The following ZMYM2 variants were observed in gnomAD, a reference collection of about 807,000 sequenced individuals.
The protein encoded by ZMYM2 is zinc finger MYM-type containing 2.
In ZMYM2, 56 loss-of-function variants were observed where a neutral mutation model predicts 162.8. The ratio of observed to expected loss-of-function variants is 0.34; its 90% confidence interval spans 0.28 to 0.43. The LOEUF is 0.43. ZMYM2 is among the 20% of genes least tolerant of loss of function. The pLI is 1.00. For synonymous variants in ZMYM2, 510 were observed against 541.6 expected, an observed-to-expected ratio of 0.94 and a Z score of 0.81; for missense variants, 1,275 against 1,621.8, an observed-to-expected ratio of 0.79 and a Z score of 3.67.
intron 19 of ZMYM2, among the ~76,000 whole-genome samples, chr13:20,065,566 G>A (rs962540105): frequency 1.3e-5 from 2 of 152,204 alleles, no homozygotes; most frequent in Non-Finnish European, 2.9e-5. Context: ...CACTCAGGAA[G>A]GCTGAGGCGG....
In ZMYM2 at chr13:20,083,656, A is replaced by G. The variant is rs776799783; in HGVS notation, c.3821A>G (p.Asp1274Gly). 1.3e-6 allele frequency: 2 copies of G among 1,510,930 alleles called. No individual in the cohort carries two copies. The highest frequency in any genetic ancestry group is 2.0e-5 in the Admixed American group (1 of 49,170). 93.6% of individuals were successfully genotyped at this position (1,510,930 alleles called of 1,614,324 possible). A position where few individuals can be genotyped will look rare whatever the true frequency, so the allele number is the denominator to read the frequency against. Residue 1274 changes from aspartate (D) to glycine (G), a missense_variant and splice_region_variant, in exon 24 of 25, where the codon GAT (aspartate) becomes GGT (glycine). Asp to Gly is a moderately conservative substitution (Grantham distance 94). Coordinates refer to ENST00000610343, the MANE Select transcript of ZMYM2 (RefSeq NM_197968.4). ...GTTTATTTCACTTTTATTTTTTAAG[A>G]TAAAATTACTACTGGAAAAAGAAAA... is the stretch of plus-strand genomic sequence containing the variant. ...VSSLCGTDNE[D>G]KITTGKRKHE...
intron 4 of ZMYM2, among the ~76,000 whole-genome samples, chr13:20,004,765 C>G (rs540638397): frequency 1.3e-5 from 2 of 152,160 alleles, no homozygotes; most frequent in Non-Finnish European, 2.9e-5. Flanking sequence ...TAATCCTTAA[C>G]ATTAATTCCA....
At chr13:19,980,145 A>G (rs2139464901) in intron 2 of ZMYM2, among the ~76,000 whole-genome samples, 1 of 152,016 alleles carries the variant, frequency 6.6e-6, no homozygotes, top group South Asian at 2.1e-4. Context: ...TTTATCTTGT[A>G]TTAACGTTTA....
At chr13:19,931,768 C>T in the ZMYM2 span, among the ~76,000 whole-genome samples, 1 of 152,082 alleles carries the variant, frequency 6.6e-6, no homozygotes, top group Non-Finnish European at 1.5e-5. Flanking sequence ...GGACTAGAGG[C>T]GCACGCCAAA....
the ZMYM2 span, chr13:19,864,281 T>G: frequency 6.5e-6 from 1 of 154,828 alleles, no homozygotes; most frequent in African/African-American, 2.4e-5. Flanking sequence ...TGGGGAATAG[T>G]CCCCCACCTC....
At chr13:19,893,757 AAAAT>A in the ZMYM2 span, among the ~76,000 whole-genome samples, 707 of 151,620 alleles carry the variant, frequency 4.7e-3, 6 homozygotes, top group Non-Finnish European at 7.8e-3. Context: ...AAATAAGTAA[AAAAT>A]AAATAAATAA....
At chr13:19,998,353 A>AT (rs1950166636) in intron 3 of ZMYM2, among the ~76,000 whole-genome samples, 1 of 152,130 alleles carries the variant, frequency 6.6e-6, no homozygotes, top group South Asian at 2.1e-4. Flanking sequence ...GAGAAGCACC[A>AT]TTTTTTTCAG....
intron 9 of ZMYM2, 105 bp downstream of exon 9, chr13:20,027,423 G>T: frequency 1.2e-6 from 1 of 868,034 alleles, no homozygotes; most frequent in Non-Finnish European, 1.6e-6. Context: ...TACGTAGCTT[G>T]TTGAGGGTCA....
At chr13:19,910,153 G>A in the ZMYM2 span, among the ~76,000 whole-genome samples, 2 of 152,096 alleles carry the variant, frequency 1.3e-5, no homozygotes, top group East Asian at 3.9e-4. Context: ...CGTGAACCCG[G>A]GAGGCGGAGC....
chr13:20,046,589 G>A (rs1300783431), intron 12 of ZMYM2, among the ~76,000 whole-genome samples: 20 of 23,846 alleles, frequency 8.4e-4, no homozygotes, highest in South Asian at 5.2e-3. Context: ...ATATGTGTGT[G>A]TGTGTGTGTG....
chr13:20,015,827 A>G (rs1951578033), intron 6 of ZMYM2, among the ~76,000 whole-genome samples: 1 of 151,912 alleles, frequency 6.6e-6, no homozygotes, highest in South Asian at 2.1e-4. Flanking sequence ...ATTTGTGTGG[A>G]GTATCTTTTT....
chr13:20,020,875 G>T (rs1307644011), intron 7 of ZMYM2, among the ~76,000 whole-genome samples: 2 of 151,470 alleles, frequency 1.3e-5, no homozygotes, highest in Non-Finnish European at 2.9e-5. Context: ...TGTCTCTTTT[G>T]TATCTTCTAT....
chr13:20,077,235 A>G (rs1048822017), intron 21 of ZMYM2, among the ~76,000 whole-genome samples: 1 of 150,474 alleles, frequency 6.6e-6, no homozygotes, highest in Non-Finnish European at 1.5e-5. Context: ...CATGTTGACA[A>G]CTTACATTTA....
At chr13:19,963,614 A>G (rs956511783) in intron 2 of ZMYM2, among the ~76,000 whole-genome samples, 2 of 152,104 alleles carry the variant, frequency 1.3e-5, no homozygotes, top group South Asian at 4.1e-4. Context: ...TAAAATAGAC[A>G]TATGAAAAGG....
chr13:20,055,339 A>T (rs1955706407), intron 14 of ZMYM2, among the ~76,000 whole-genome samples: 5 of 152,218 alleles, frequency 3.3e-5, no homozygotes, highest in Admixed American at 2.6e-4. Context: ...AATTTGAGTT[A>T]TCCAATGTGC....
At chr13:19,916,716 G>C in the ZMYM2 span, among the ~76,000 whole-genome samples, 2 of 151,174 alleles carry the variant, frequency 1.3e-5, no homozygotes, top group African/African-American at 2.4e-5. Flanking sequence ...TTGTCGGGGG[G>C]TGGGGGGCTG....
chr13:19,948,595 G>GT, the ZMYM2 span, among the ~76,000 whole-genome samples: 6 of 152,198 alleles, frequency 3.9e-5, no homozygotes, highest in Non-Finnish European at 7.3e-5. Flanking sequence ...GTTACTACGG[G>GT]TTATAGGGCA....
At chr13:19,976,027 CT>C (rs977668724) in intron 2 of ZMYM2, among the ~76,000 whole-genome samples, 2 of 151,938 alleles carry the variant, frequency 1.3e-5, no homozygotes, top group Non-Finnish European at 2.9e-5. Context: ...GCCTGACCTC[CT>C]TTTTTAGAAA....
At chr13:20,017,615 C>CT (rs143348416) in intron 6 of ZMYM2, among the ~76,000 whole-genome samples, 67,058 of 146,648 alleles carry the variant, frequency 0.46, 16,973 homozygotes, top group East Asian at 0.68. Context: ...ATGAATGTTA[C>CT]TTTTTTTTTT....
Sources: gnomAD v4.1 joint callset for allele counts (sites outside exome capture counted in the v4.1 genomes callset) on GRCh38, gnomAD v4.1.1 for gene constraint, MANE v1.5 for transcripts, NCBI Gene and HGNC (gene_info 2026-07-23, HGNC 2026-07-21) for gene names.